The following SLC26A8 variants were observed in gnomAD, a reference collection of about 807,000 sequenced individuals.
SLC26A8 encodes the protein testis anion transporter 1.
A neutral mutation model predicts 105.0 loss-of-function variants in SLC26A8; 70 were observed. That is an observed-to-expected ratio of 0.67 (90% CI 0.55 to 0.81). The LOEUF (loss-of-function observed/expected upper bound fraction) is 0.81. SLC26A8 is among the 40% of genes least tolerant of loss of function. SLC26A8 has a pLI of 0.00. For synonymous variants in SLC26A8, 415 were observed against 438.3 expected, an observed-to-expected ratio of 0.95 and a Z score of 0.66; for missense variants, 998 against 1,181.8, an observed-to-expected ratio of 0.84 and a Z score of 2.28.
intron 19 of SLC26A8, among the ~76,000 whole-genome samples, chr6:35,947,055 G>T (rs992645897): frequency 1.3e-5 from 2 of 151,796 alleles, no homozygotes; most frequent in African/African-American, 2.4e-5. Flanking sequence ...TTGAAACAGG[G>T]TCTCGCTCTG....
rs538976892 is a variant in SLC26A8, at chr6:36,003,509, A to G, written c.329-3401T>C. Among the ~76,000 whole-genome samples the G allele has an allele frequency of 1.1e-4, 17 of 152,348 alleles. 1 individual carries two copies. In the South Asian group the frequency reaches 3.5e-3, roughly 32 times the overall value. On this transcript the variant is annotated intron_variant, in intron 3 of 19. Transcript: ENST00000490799. Reference sequence around the variant, plus strand: ...AATATAACATGCATGTAGAAAATGCATTAAAATAGATTAATAGATGTCAAG... The same window carrying G: ...AATATAACATGCATGTAGAAAATGCGTTAAAATAGATTAATAGATGTCAAG...
rs1358481550 is a variant in SLC26A8, at chr6:35,982,118, G to T, written c.1025+3C>A. 1 of 1,613,984 alleles carries T rather than the reference G, an allele frequency of 6.2e-7. No individual in the cohort carries two copies. The highest frequency in any genetic ancestry group is 1.1e-5 in the South Asian group (1 of 91,080). On this transcript the variant is annotated splice_donor_region_variant and intron_variant, in intron 8 of 19. Transcript: ENST00000490799. The stretch of plus-strand genomic sequence containing the variant: ...AGCAATCTTGAAAAGTGGAATTACT[G>T]ACCTATAAGGAATCATGTCAATAAG...
At chr6:35,986,104 G>A (rs1045095241) in intron 7 of SLC26A8, among the ~76,000 whole-genome samples, 5 of 121,870 alleles carry the variant, frequency 4.1e-5, no homozygotes, top group Admixed American at 1.2e-4. Flanking sequence ...GCACAATCCC[G>A]GCTCACTGCA....
rs1339608729 is a variant in SLC26A8 at position 36,019,502 on chromosome 6, A to G, written c.188+18T>C. On this transcript the variant is annotated intron_variant, in intron 2 of 19. Transcript: ENST00000490799. The stretch of plus-strand genomic sequence containing the variant: ...TCCTGCCCGGCTCGGCAGCAGGTGA[A>G]AGATTGGACACACGCACCGGCACTG... 4.4e-6 allele frequency: 7 copies of G among 1,607,270 alleles called. No homozygotes were observed. Among genetic ancestry groups the G allele is most frequent in the Non-Finnish European group, 5.9e-6 (7 of 1,176,758 alleles).
intron 2 of SLC26A8, among the ~76,000 whole-genome samples, 174 bp from the exon 3 acceptor site, chr6:36,012,546 C>T (rs1267164721): frequency 2.6e-5 from 4 of 151,784 alleles, no homozygotes; most frequent in African/African-American, 4.8e-5. Flanking sequence ...CTGTGCATTG[C>T]AGGATGTTTA....
Position 35,982,456 on chromosome 6 carries a change from C to A in SLC26A8, c.943-253G>T, listed in dbSNP as rs1400824924. Among the ~76,000 whole-genome samples the A allele has an allele frequency of 2.6e-5, 4 of 152,190 alleles. No individual in the cohort carries two copies. In the East Asian group the frequency reaches 7.7e-4, roughly 29 times the overall value. ...ACTTGGTCTGTGAACATGATGGGAA[C>A]AAATGGACGCCATGAACTTCTGTAT... On this transcript the variant is annotated intron_variant, in intron 7 of 19. Transcript: ENST00000490799.
chr6:36,012,386 G>C lies in SLC26A8; in HGVS notation c.189-14C>G. Reference sequence around the variant, plus strand: ...TGCCATGAGCAGCTGTGAGAGAGAGGAGCAGAGACTTGGTTAGTTTCTCCA... The same window carrying C: ...TGCCATGAGCAGCTGTGAGAGAGAGCAGCAGAGACTTGGTTAGTTTCTCCA... On this transcript the variant is annotated splice_polypyrimidine_tract_variant and intron_variant, in intron 2 of 19. Transcript: ENST00000490799. 1.3e-6 allele frequency: 2 copies of C among 1,558,054 alleles called. No homozygotes were observed. The highest frequency in any genetic ancestry group is 1.7e-6 in the Non-Finnish European group (2 of 1,159,110).
In SLC26A8 at chr6:35,981,794, C is replaced by T. The variant is rs1287403770; in HGVS notation, c.1025+327G>A. ...AAACCGAGGCATCTCTTGTCCACCC[C>T]TTGAGAATTAATCAGAGAGGTATAG... On this transcript the variant is annotated intron_variant, in intron 8 of 19. Coordinates refer to ENST00000490799, the MANE Select transcript of SLC26A8 (RefSeq NM_052961.4). The surrounding 1 kb of genome is among the most constrained non-coding windows in gnomAD (Gnocchi z 4.0). Among the ~76,000 whole-genome samples the T allele has an allele frequency of 4.6e-5, 7 of 152,268 alleles. No homozygotes were observed. The highest frequency in any genetic ancestry group is 1.4e-4 in the African/African-American group (6 of 41,562).
At chr6:35,958,239 C>T (rs555043237) in intron 16 of SLC26A8, among the ~76,000 whole-genome samples, 2 of 152,236 alleles carry the variant, frequency 1.3e-5, no homozygotes, top group South Asian at 4.1e-4. Context: ...GTGGCTCACG[C>T]CTGTAATCCC....
chr6:35,973,727 T>C (rs1049221019), intron 10 of SLC26A8, among the ~76,000 whole-genome samples: 3 of 152,204 alleles, frequency 2.0e-5, no homozygotes, highest in African/African-American at 4.8e-5. Flanking sequence ...TTTTACCTTA[T>C]GCTTCACCAC....
chr6:35,945,494 C>A (rs566806609), intron 19 of SLC26A8, among the ~76,000 whole-genome samples: 1 of 152,262 alleles, frequency 6.6e-6, no homozygotes, highest in East Asian at 1.9e-4. Context: ...CAGCTGTGGT[C>A]CCCGCCCTTT....
chr6:35,967,709 A>AT (rs1431959361), intron 11 of SLC26A8, among the ~76,000 whole-genome samples: 1 of 152,210 alleles, frequency 6.6e-6, no homozygotes, highest in Non-Finnish European at 1.5e-5. Context: ...AACAGATGGC[A>AT]TGAATGCACA....
intron 7 of SLC26A8, among the ~76,000 whole-genome samples, chr6:35,983,473 T>C (rs899034602): frequency 6.6e-6 from 1 of 152,214 alleles, no homozygotes; most frequent in African/African-American, 2.4e-5. Flanking sequence ...CAAGGGACCC[T>C]TGAATTATCA....
chr6:35,992,439 T>C, intron 6 of SLC26A8, 71 bp downstream of exon 6: 1 of 1,513,876 alleles, frequency 6.6e-7, no homozygotes. Context: ...GTCTCCCTAC[T>C]GAGCTCCACT....
At chr6:35,991,569 T>C (rs1761160303) in intron 7 of SLC26A8, 90 bp downstream of exon 7, 1 of 1,011,648 alleles carries the variant, frequency 9.9e-7, no homozygotes, top group Non-Finnish European at 1.4e-6. Flanking sequence ...GAAAACTAAA[T>C]GTATTCAGCT....
rs1267765412 is a variant in SLC26A8 at position 36,024,139 on chromosome 6, AGAGGAACGGCCGG to A, written c.-3+352_-3+364del. On this transcript the variant is annotated intron_variant, in intron 1 of 19. Coordinates refer to ENST00000490799, the MANE Select transcript of SLC26A8 (RefSeq NM_052961.4). ...ACAAAAGCAGTGGGGTCTGAAAGGAAGAGGAACGGCCGGGCAGTCAGGCCTCAGGAGGAAATGG... is the reference window on the plus strand; with the variant it reads ...ACAAAAGCAGTGGGGTCTGAAAGGAAGCAGTCAGGCCTCAGGAGGAAATGG... 2.0e-5 allele frequency among the ~76,000 whole-genome samples: 3 copies of A among 152,118 alleles called. No homozygotes were observed. In the East Asian group the frequency reaches 5.8e-4, roughly 29 times the overall value.
At chr6:36,008,021 A>G (rs567518334) in intron 3 of SLC26A8, among the ~76,000 whole-genome samples, 25 of 151,958 alleles carry the variant, frequency 1.6e-4, no homozygotes, top group Admixed American at 3.9e-4. Context: ...TCGGGAGGCT[A>G]AGGCAGGAGA....
At position 35,951,490 on chromosome 6, in the gene SLC26A8, C is replaced by A; in HGVS notation, c.2242G>T (p.Ala748Ser). 6.2e-7 allele frequency: 1 copy of A among 1,614,118 alleles called. No homozygotes were observed. Among genetic ancestry groups the A allele is most frequent in the Non-Finnish European group, 8.5e-7 (1 of 1,180,028 alleles). The change falls in exon 18 of 20, where the codon GCC becomes TCC. Residue 748 changes from alanine (A) to serine (S), a missense_variant. By Grantham distance (99) the Ala-to-Ser change is moderately conservative (BLOSUM62 1). Coordinates refer to ENST00000490799, the MANE Select transcript of SLC26A8 (RefSeq NM_052961.4). ...ATCAAAATGTTGGCGTTTTGAAAGG[C>A]ATTGCATATCTGTGGGGGGAGAGAA... ...GLVVLRQICN[A>S]FQNANILILI...
At chr6:36,024,458 G>T in intron 1 of SLC26A8, 46 bp downstream of exon 1, 1 of 449,748 alleles carries the variant, frequency 2.2e-6, no homozygotes, top group Non-Finnish European at 4.4e-6. Context: ...CCCCGCCCTG[G>T]GACCTGCAGC....
Sources: gnomAD v4.1 joint callset for allele counts (sites outside exome capture counted in the v4.1 genomes callset) on GRCh38, gnomAD v4.1.1 for gene constraint, Gnocchi (gnomAD v3.1) non-coding constraint, MANE v1.5 for transcripts, NCBI Gene and HGNC (gene_info 2026-07-23, HGNC 2026-07-21) for gene names.